Variants in DNAH12 observed in about 807,000 individuals in gnomAD.
DNAH12 encodes axonemal beta dynein heavy chain 12.
In DNAH12, 285 loss-of-function variants were observed where a neutral mutation model predicts 371.5. The observed-to-expected ratio is 0.77, with a 90% CI of 0.70 to 0.85. DNAH12 has a LOEUF of 0.85. DNAH12 is among the 40% of genes least tolerant of loss of function. DNAH12 has a pLI of 0.00. For synonymous variants in DNAH12, 1,200 were observed against 1,213.0 expected, an observed-to-expected ratio of 0.99 and a Z score of 0.22; for missense variants, 3,611 against 3,689.4, an observed-to-expected ratio of 0.98 and a Z score of 0.55.
At chr3:57,491,722 A>C (rs1410281402) in intron 11 of DNAH12, among the ~76,000 whole-genome samples, 1 of 151,958 alleles carries the variant, frequency 6.6e-6, no homozygotes, top group Non-Finnish European at 1.5e-5. Flanking sequence ...GATTGCTTGA[A>C]GCCAGGAGTT....
At chr3:57,348,190 A>G (rs2062588344) in intron 60 of DNAH12, among the ~76,000 whole-genome samples, 1 of 152,208 alleles carries the variant, frequency 6.6e-6, no homozygotes, top group Non-Finnish European at 1.5e-5. Context: ...CTAAAAAGAA[A>G]TAAGCTAGCA....
chr3:57,421,332 TAAA>T, intron 36 of DNAH12, among the ~76,000 whole-genome samples, 183 bp downstream of exon 36: 1 of 152,284 alleles, frequency 6.6e-6, no homozygotes, highest in East Asian at 1.9e-4. Context: ...TGTGAAATTA[TAAA>T]AATATTATTA....
intron 62 of DNAH12, among the ~76,000 whole-genome samples, chr3:57,331,258 A>G (rs549528918): frequency 6.6e-6 from 1 of 152,310 alleles, no homozygotes; most frequent in South Asian, 2.1e-4. Context: ...GTATTGAAAC[A>G]ATATCTCTAC....
In DNAH12 at chr3:57,421,586, G is replaced by T. The variant is rs1160973228; in HGVS notation, c.5494C>A (p.Pro1832Thr). The change falls in exon 36 of 74, where the codon CCA (proline) becomes ACA (threonine). Residue 1832 changes from proline (P) to threonine (T), a missense_variant. This residue lies in a region of DNAH12 where 2,266 missense variants were observed against 2,236.9 expected (regional missense o/e 1.01). Transcript: ENST00000495027. ...CATTCCCATTTACCCACAGAATCTG[G>T]CACTGGGTTTTCATCATCTTTTCCC... The part of the protein sequence containing the change: ...ILGKDDENPV[P>T]DSVGKWECPF... The T allele has an allele frequency of 1.2e-5, 18 of 1,551,532 alleles. No homozygotes were observed. The highest frequency in any genetic ancestry group is 1.6e-5 in the Non-Finnish European group (18 of 1,146,960).
chr3:57,411,594 C>T (rs1035309634), intron 39 of DNAH12, among the ~76,000 whole-genome samples: 3 of 149,704 alleles, frequency 2.0e-5, no homozygotes, highest in Non-Finnish European at 3.0e-5. Flanking sequence ...CATTAGCACC[C>T]ACCCCCAATG....
At chr3:57,311,014 G>A (rs1054284455) in intron 66 of DNAH12, 64 bp from the exon 67 acceptor site, 6 of 1,138,796 alleles carry the variant, frequency 5.3e-6, no homozygotes, top group Non-Finnish European at 7.7e-6. Context: ...TCCATTTTAA[G>A]TATGTATCTA....
Position 57,402,183 on chromosome 3 carries a change from G to A in DNAH12, c.6948+1126C>T, listed in dbSNP as rs192503729. On this transcript the variant is annotated intron_variant, in intron 43 of 73. Transcript: ENST00000495027. ...CTATGTAGATAGATTTCTTTGGTAT[G>A]AGCTTGGATTCTACCATTTCCGCCT... Among the ~76,000 whole-genome samples the A allele has an allele frequency of 2.8e-3, 432 of 152,274 alleles. 11 individuals are homozygous for A. Among genetic ancestry groups the A allele is most frequent in the Admixed American group, 0.027 (409 of 15,294 alleles).
At position 57,501,368 on chromosome 3, in the gene DNAH12, T is replaced by C; in HGVS notation, c.1288A>G (p.Ile430Val). Residue 430 changes from isoleucine to valine, a missense_variant, in exon 11 of 74, where the codon ATA becomes GTA. Physicochemically the swap from Ile to Val is conservative, Grantham distance 29 (BLOSUM62 3). Transcript: ENST00000495027. Reference protein sequence around the residue: ...WLLDGTAVENIETFQTEDHTF... With the variant: ...WLLDGTAVENVETFQTEDHTF... ...TGATCTTCTGTCTGAAAAGTCTCTATATTCTCAACTGCAGTCCCATCAAGG... is the reference window on the plus strand; with the variant it reads ...TGATCTTCTGTCTGAAAAGTCTCTACATTCTCAACTGCAGTCCCATCAAGG... 1 of 1,596,444 alleles carries C rather than the reference T, an allele frequency of 6.3e-7. No homozygotes were observed. The highest frequency in any genetic ancestry group is 8.5e-7 in the Non-Finnish European group (1 of 1,175,346).
chr3:57,305,097 C>T (rs1157309693), intron 69 of DNAH12, among the ~76,000 whole-genome samples: 5 of 152,162 alleles, frequency 3.3e-5, no homozygotes, highest in Non-Finnish European at 7.3e-5. Flanking sequence ...CAGAAAACGG[C>T]ACTTTCGATT....
At chr3:57,446,332 AAATACCT>A in intron 26 of DNAH12, 62 bp from the exon 27 acceptor site, 1 of 1,494,416 alleles carries the variant, frequency 6.7e-7, no homozygotes, top group Non-Finnish European at 8.9e-7. Context: ...CTCTTAAAAC[AAATACCT>A]AATATTTTAA....
chr3:57,293,980 A>G lies in DNAH12; in HGVS notation c.11693-9T>C, dbSNP rs1199251562. 4 of 1,428,854 alleles carry G rather than the reference A, an allele frequency of 2.8e-6. No homozygotes were observed. The highest frequency in any genetic ancestry group is 3.7e-6 in the Non-Finnish European group (4 of 1,085,394). 88.5% of individuals were successfully genotyped at this position (1,428,854 alleles called of 1,614,324 possible). On this transcript the variant is annotated splice_polypyrimidine_tract_variant and intron_variant, in intron 73 of 73. Transcript: ENST00000495027. Reference sequence around the variant, plus strand: ...AATCCGAGATTTTTGAGCTTGAAAAAAAAAAAGAAATATATTCACTTGATA... The same window carrying G: ...AATCCGAGATTTTTGAGCTTGAAAAGAAAAAAGAAATATATTCACTTGATA...
intron 65 of DNAH12, 73 bp downstream of exon 65, chr3:57,322,270 T>C (rs537750968): frequency 6.2e-4 from 859 of 1,395,124 alleles, no homozygotes; most frequent in Non-Finnish European, 7.1e-4. Context: ...AAAGCATTAT[T>C]AAACAAAATT....
At chr3:57,547,734 G>A (rs986645789), upstream of DNAH12, among the ~76,000 whole-genome samples, 1 of 152,062 alleles carries the variant, frequency 6.6e-6, no homozygotes, top group African/African-American at 2.4e-5. Context: ...AAAAAGCAAC[G>A]TTTCAAGCAA....
rs2061356040 is a variant in DNAH12, at chr3:57,301,907, T to C, written c.11222A>G (p.Asp3741Gly). 6.4e-7 allele frequency: 1 copy of C among 1,551,448 alleles called. No homozygotes were observed. Among genetic ancestry groups the C allele is most frequent in the Non-Finnish European group, 8.7e-7 (1 of 1,146,970 alleles). Residue 3741 changes from aspartate (D) to glycine (G), a missense_variant, in exon 70 of 74, where the codon GAC (aspartate) becomes GGC (glycine). Physicochemically the swap from Asp to Gly is moderately conservative, Grantham distance 94. Coordinates refer to ENST00000495027, the MANE Select transcript of DNAH12 (RefSeq NM_001366028.2). ...CACACCCTTAATAGCTTTTTCAAGG[T>C]CCCGTAGAGTGTTACGTATAGTTAT... is the stretch of plus-strand genomic sequence containing the variant. ...LIITIRNTLR[D>G]LEKAIKGVVV... is the part of the protein sequence containing the mutation.
chr3:57,459,839 A>G (rs1298768731), intron 19 of DNAH12, 53 bp from the exon 20 acceptor site: 5 of 1,233,778 alleles, frequency 4.1e-6, no homozygotes, highest in Non-Finnish European at 1.0e-6. Context: ...AAGGCTATAA[A>G]TTATAGCAAG....
chr3:57,306,650 C>A (rs766736731), intron 69 of DNAH12, among the ~76,000 whole-genome samples: 2 of 152,062 alleles, frequency 1.3e-5, no homozygotes, highest in African/African-American at 4.8e-5. Flanking sequence ...ACCTAATCAC[C>A]CTTACCCCGC....
Position 57,415,499 on chromosome 3 carries a change from T to C in DNAH12, c.5780A>G (p.Asn1927Ser). 1 of 1,551,326 alleles carries C rather than the reference T, an allele frequency of 6.4e-7. No individual in the cohort carries two copies. Among genetic ancestry groups the C allele is most frequent in the Non-Finnish European group, 8.7e-7 (1 of 1,146,924 alleles). ...AAAGTACTGGTCCTTTTCCAAGTGATTCATTAGCTTATCCTTCACATACAC... is the reference window on the plus strand; with the variant it reads ...AAAGTACTGGTCCTTTTCCAAGTGACTCATTAGCTTATCCTTCACATACAC... ...KSVYVKDKLM[N>S]HLEKDQYFPF... The change falls in exon 38 of 74, where the codon AAT (asparagine) becomes AGT (serine). Residue 1927 changes from asparagine to serine, a missense_variant. Coordinates refer to ENST00000495027, the MANE Select transcript of DNAH12 (RefSeq NM_001366028.2).
intron 62 of DNAH12, among the ~76,000 whole-genome samples, chr3:57,326,223 T>C (rs930282654): frequency 9.9e-5 from 15 of 151,476 alleles, no homozygotes; most frequent in Non-Finnish European, 5.9e-5. Context: ...ACAAAGATAC[T>C]CCTCGAGAAG....
At chr3:57,331,589 A>G (rs1245847119) in intron 62 of DNAH12, among the ~76,000 whole-genome samples, 1 of 152,178 alleles carries the variant, frequency 6.6e-6, no homozygotes, top group Admixed American at 6.5e-5. Flanking sequence ...AGAGCATTAG[A>G]TAATGTTCCT....
Sources: gnomAD v4.1 joint callset for allele counts (sites outside exome capture counted in the v4.1 genomes callset) on GRCh38, gnomAD v4.1.1 for gene constraint, gnomAD v4.1.1 regional missense constraint, MANE v1.5 for transcripts, NCBI Gene and HGNC (gene_info 2026-07-23, HGNC 2026-07-21) for gene names.